SHPRH: variants seen among roughly 807,000 people sequenced by gnomAD.
SHPRH encodes SNF2 histone linker PHD RING helicase.
SHPRH carries 106 observed loss-of-function variants against 202.5 expected under a neutral mutation model. The ratio of observed to expected loss-of-function variants is 0.52; its 90% CI spans 0.45 to 0.62. SHPRH has a LOEUF of 0.62. Among genes scored for constraint, SHPRH ranks in the 20% least tolerant of loss-of-function variants. The pLI, the probability that SHPRH is intolerant of heterozygous loss-of-function variation, is 0.00. For missense variants in SHPRH, 1,710 were observed against 2,020.0 expected, an observed-to-expected ratio of 0.85 and a Z score of 2.94; for synonymous variants, 729 against 686.0, an observed-to-expected ratio of 1.06 and a Z score of -0.98.
chr6:145,870,982 A>G (rs1780031868), intron 2 of SHPRH: 1 of 152,230 alleles, frequency 6.6e-6, no homozygotes, highest in Non-Finnish European at 1.5e-5. Context: ...GATGCAGAAA[A>G]GGCCTTCGAT....
chr6:145,902,293 GA>G (rs565216610), intron 25 of SHPRH, among the ~76,000 whole-genome samples: 55 of 152,202 alleles, frequency 3.6e-4, no homozygotes, highest in African/African-American at 1.3e-3. Flanking sequence ...CTCAAGATCA[GA>G]AATGTCATGT....
In SHPRH at chr6:145,886,597, T is replaced by C. The variant is rs1441282127; in HGVS notation, c.*94A>G. 34 of 1,550,072 alleles carry C rather than the reference T, an allele frequency of 2.2e-5. No homozygotes were observed. The highest frequency in any genetic ancestry group is 2.9e-5 in the Non-Finnish European group (33 of 1,149,268). On this transcript the variant is annotated 3_prime_UTR_variant, in exon 30 of 30. Transcript: ENST00000275233. ...TTCATTCAACTAGGAACAGTGTTAC[T>C]GTTATCTACTGGGTTTTTAAAACTT... is the stretch of plus-strand genomic sequence containing the variant.
chr6:145,948,457 AC>A, intron 4 of SHPRH, 107 bp from the exon 5 acceptor site: 1 of 705,604 alleles, frequency 1.4e-6, no homozygotes, highest in Non-Finnish European at 2.2e-6. Flanking sequence ...GCATAGTGAT[AC>A]CCATATTCTT....
chr6:145,893,218 G>T lies in SHPRH; in HGVS notation c.4871C>A (p.Thr1624Lys). Residue 1624 changes from threonine to lysine, a missense_variant, in exon 28 of 30, where the codon ACA (threonine) becomes AAA (lysine). Coordinates refer to ENST00000275233, the MANE Select transcript of SHPRH (RefSeq NM_001042683.3). The stretch of plus-strand genomic sequence containing the variant: ...TGATTCTAATTTTAGTCCTTACTTT[G>T]TCTGTCCAATTCGGTGCACCCTCCC... Reference protein sequence around the residue: ...AIGRVHRIGQTKPTIVHRFLI... With the variant: ...AIGRVHRIGQKKPTIVHRFLI... The T allele has an allele frequency of 6.6e-7, 1 of 1,517,846 alleles. No individual in the cohort carries two copies. The highest frequency in any genetic ancestry group is 8.8e-7 in the Non-Finnish European group (1 of 1,135,438). 94.0% of individuals were successfully genotyped at this position (1,517,846 alleles called of 1,614,324 possible).
intron 14 of SHPRH, 116 bp downstream of exon 14, chr6:145,932,941 A>G: frequency 1.7e-6 from 2 of 1,174,684 alleles, no homozygotes; most frequent in Non-Finnish European, 2.4e-6. Flanking sequence ...GTAGTGTGTG[A>G]GAGTATCTTT....
At chr6:145,955,583 A>G (rs1788425127) in intron 1 of SHPRH, among the ~76,000 whole-genome samples, 1 of 152,186 alleles carries the variant, frequency 6.6e-6, no homozygotes, top group Admixed American at 6.6e-5. Flanking sequence ...GCTAGTCTTT[A>G]ATAGTAAAGG....
chr6:145,949,190 C>G (rs1255775988), intron 4 of SHPRH, among the ~76,000 whole-genome samples: 4 of 152,006 alleles, frequency 2.6e-5, no homozygotes, highest in Admixed American at 2.6e-4. Flanking sequence ...ATCTATCATT[C>G]ACTCCAGAAC....
Position 145,945,404 on chromosome 6 carries a change from T to A in SHPRH, c.1555A>T (p.Ile519Leu). 6.2e-7 allele frequency: 1 copy of A among 1,612,160 alleles called. No individual in the cohort carries two copies. The highest frequency in any genetic ancestry group is 8.5e-7 in the Non-Finnish European group (1 of 1,179,148). ...TLGKNYKEED[I>L]CDKTKKQAVG... ...ACCTGCTTTTTTGTTTTATCACATA[T>A]ATCCTCTTCCTTGTAATTCTTTCCC... The change falls in exon 8 of 30, where the codon ATA (isoleucine) becomes TTA (leucine). Residue 519 changes from isoleucine to leucine, a missense_variant. This residue lies in a region of SHPRH where 348 missense variants were observed against 356.9 expected (regional missense o/e 0.97). Coordinates refer to ENST00000275233, the MANE Select transcript of SHPRH (RefSeq NM_001042683.3).
intron 14 of SHPRH, among the ~76,000 whole-genome samples, chr6:145,929,397 G>A (rs371412553): frequency 6.6e-6 from 1 of 151,940 alleles, no homozygotes; most frequent in African/African-American, 2.4e-5. Context: ...TGTATCATAC[G>A]TATTTATTTA....
At chr6:145,894,571 A>G (rs552421664) in intron 26 of SHPRH, among the ~76,000 whole-genome samples, 1 of 152,150 alleles carries the variant, frequency 6.6e-6, no homozygotes, top group East Asian at 1.9e-4. Context: ...TATAAAGTAG[A>G]TTGTCTTTTT....
In SHPRH at chr6:145,913,602, C is replaced by T. The variant is rs902411186; in HGVS notation, c.4255-53G>A. 4.1e-6 allele frequency: 6 copies of T among 1,463,986 alleles called. No homozygotes were observed. In the African/African-American group the frequency reaches 7.2e-5, roughly 17 times the overall value. 90.7% of individuals were successfully genotyped at this position (1,463,986 alleles called of 1,614,324 possible). On this transcript the variant is annotated intron_variant, in intron 23 of 29. Coordinates refer to ENST00000275233, the MANE Select transcript of SHPRH (RefSeq NM_001042683.3). Reference sequence around the variant, plus strand: ...TTAGTTACGTTTTTACATATAAAACCTGATATATGTTTTGCAACTCATTTA... The same window carrying T: ...TTAGTTACGTTTTTACATATAAAACTTGATATATGTTTTGCAACTCATTTA...
chr6:145,889,941 C>T (rs949040377), intron 28 of SHPRH, among the ~76,000 whole-genome samples: 6 of 152,192 alleles, frequency 3.9e-5, no homozygotes, highest in African/African-American at 1.4e-4. Context: ...CTGCCTACTA[C>T]CAACCCCTTC....
In SHPRH at chr6:145,941,736, G is replaced by A. The variant is rs1786799780; in HGVS notation, c.2377C>T (p.Arg793Cys). ...DIPHSNSEDG[R>C]RLRNQKRYMA... is the part of the protein sequence containing the mutation. The stretch of plus-strand genomic sequence containing the variant: ...TAGCGCTTCTGGTTCCGTAGGCGAC[G>A]CCCATCCTCACTATTGCTATGTGGG... The change falls in exon 10 of 30, where the codon CGT becomes TGT. Residue 793 changes from arginine to cysteine, a missense_variant. Arg to Cys is a radical substitution (Grantham distance 180, BLOSUM62 -3). Transcript: ENST00000275233. 3 of 1,613,942 alleles carry A rather than the reference G, an allele frequency of 1.9e-6. No homozygotes were observed. The highest frequency in any genetic ancestry group is 1.1e-5 in the South Asian group (1 of 91,070).
chr6:145,933,470 C>T (rs564159475), intron 13 of SHPRH, among the ~76,000 whole-genome samples: 2 of 152,260 alleles, frequency 1.3e-5, no homozygotes, highest in Non-Finnish European at 2.9e-5. Context: ...CAGGTATTAA[C>T]ATGTAAGACT....
At chr6:145,950,961 T>C (rs1787915663) in intron 3 of SHPRH, among the ~76,000 whole-genome samples, 1 of 152,154 alleles carries the variant, frequency 6.6e-6, no homozygotes, top group South Asian at 2.1e-4. Flanking sequence ...TACTTTACTT[T>C]TGTAATTTTA....
At chr6:145,880,788 CT>C (rs1273493099), downstream of SHPRH, among the ~76,000 whole-genome samples, 3 of 151,914 alleles carry the variant, frequency 2.0e-5, no homozygotes, top group East Asian at 5.8e-4. Flanking sequence ...AGAAAATATA[CT>C]TTTTTGGTTA....
At chr6:145,907,424 A>C (rs564300674) in intron 25 of SHPRH, 9 of 152,176 alleles carry the variant, frequency 5.9e-5, no homozygotes, top group African/African-American at 1.7e-4. Flanking sequence ...TTTCCACACA[A>C]GAGAGATCTT....
At chr6:145,919,625 G>A (rs1784256250) in intron 21 of SHPRH, 134 bp from the exon 22 acceptor site, 1 of 950,112 alleles carries the variant, frequency 1.1e-6, no homozygotes, top group Admixed American at 3.3e-5. Context: ...CGTACAAGTA[G>A]TTCCTGGGGT....
chr6:145,889,938 C>A (rs1364385075), intron 28 of SHPRH, among the ~76,000 whole-genome samples: 1 of 152,232 alleles, frequency 6.6e-6, no homozygotes, highest in African/African-American at 2.4e-5. Flanking sequence ...CTTCTGCCTA[C>A]TACCAACCCC....
Sources: gnomAD v4.1 joint callset for allele counts (sites outside exome capture counted in the v4.1 genomes callset) on GRCh38, gnomAD v4.1.1 for gene constraint, gnomAD v4.1.1 regional missense constraint, MANE v1.5 for transcripts, NCBI Gene and HGNC (gene_info 2026-07-23, HGNC 2026-07-21) for gene names.